SNX8: variants seen among roughly 807,000 people sequenced by gnomAD.
SNX8 encodes the protein sorting nexin 8.
A neutral mutation model predicts 51.6 loss-of-function variants in SNX8; 25 were observed. That is an observed-to-expected ratio of 0.48 (90% CI 0.35 to 0.68). SNX8 has a LOEUF of 0.68. Ranked by LOEUF, SNX8 falls within the 30% of genes least tolerant of loss-of-function variation. The pLI is 0.00. For missense variants in SNX8, 695 were observed against 624.0 expected, an observed-to-expected ratio of 1.11 and a Z score of -1.21; for synonymous variants, 324 against 277.0, an observed-to-expected ratio of 1.17 and a Z score of -1.68.
At chr7:2,262,855 C>T (rs542274921) in intron 7 of SNX8, among the ~76,000 whole-genome samples, 2 of 152,354 alleles carry the variant, frequency 1.3e-5, no homozygotes, top group Admixed American at 6.5e-5. Context: ...CAGTGGCTCA[C>T]GCCTGTAATC....
At chr7:2,302,995 C>A (rs1161786638) in intron 1 of SNX8, among the ~76,000 whole-genome samples, 1 of 151,894 alleles carries the variant, frequency 6.6e-6, no homozygotes, top group Non-Finnish European at 1.5e-5. Flanking sequence ...GCAGCCACCC[C>A]GTCCGGGACA....
chr7:2,332,159 A>T (rs1487421693), intron 1 of SNX8, among the ~76,000 whole-genome samples: 3 of 151,672 alleles, frequency 2.0e-5, no homozygotes, highest in Non-Finnish European at 4.4e-5. Flanking sequence ...GTGAACCAAG[A>T]TCACACCACT....
At chr7:2,333,468 AG>A (rs1316108053) in intron 1 of SNX8, among the ~76,000 whole-genome samples, 2 of 150,514 alleles carry the variant, frequency 1.3e-5, no homozygotes, top group Non-Finnish European at 3.0e-5. Context: ...AGGCTGAGGC[AG>A]GAGGATTGCT....
chr7:2,265,129 C>T (rs1340764185), intron 5 of SNX8, among the ~76,000 whole-genome samples: 1 of 152,068 alleles, frequency 6.6e-6, no homozygotes, highest in East Asian at 1.9e-4. Context: ...CCGAGTAGGG[C>T]GAATCACGAG....
chr7:2,287,279 A>G (rs1796053711), intron 1 of SNX8, among the ~76,000 whole-genome samples: 1 of 148,902 alleles, frequency 6.7e-6, no homozygotes, highest in Admixed American at 6.7e-5. Context: ...TGATGAAAAA[A>G]ATATTAAAAG....
intron 1 of SNX8, among the ~76,000 whole-genome samples, chr7:2,303,298 C>G (rs1444642215): frequency 2.0e-5 from 3 of 149,742 alleles, no homozygotes; most frequent in Admixed American, 6.6e-5. Context: ...GTCAGCCCCC[C>G]GCCCGGCCAG....
chr7:2,284,230 T>C (rs1190199466), intron 1 of SNX8, among the ~76,000 whole-genome samples: 1 of 151,902 alleles, frequency 6.6e-6, no homozygotes, highest in Admixed American at 6.6e-5. Flanking sequence ...ACACCCAGCC[T>C]GGAATCTGCA....
At chr7:2,322,461 A>T (rs1778542006) in intron 1 of SNX8, among the ~76,000 whole-genome samples, 1 of 151,140 alleles carries the variant, frequency 6.6e-6, no homozygotes. Context: ...TTGGGAGGCC[A>T]AGGCGGGTGG....
At chr7:2,336,451 G>A (rs531452119) in intron 1 of SNX8, among the ~76,000 whole-genome samples, 11 of 152,090 alleles carry the variant, frequency 7.2e-5, no homozygotes, top group Non-Finnish European at 1.5e-4. Context: ...GCTCACACCT[G>A]TAATCCTAGC....
At chr7:2,256,221 T>C (rs909366395) in intron 10 of SNX8, among the ~76,000 whole-genome samples, 3 of 152,198 alleles carry the variant, frequency 2.0e-5, no homozygotes, top group African/African-American at 7.2e-5. Context: ...CCCAAAGTGC[T>C]GGACGGCACC....
rs1795071707 is a variant in SNX8, at chr7:2,252,747, CCCT to C, written c.*2306_*2308del. 1 of 139,814 alleles carries C rather than the reference CCCT, an allele frequency of 7.2e-6. No individual in the cohort carries two copies. The allele number at this position is 139,814 out of a possible 1,614,324, so 8.7% of individuals were successfully genotyped here. ...CCCTGCCCTCTTGCTCTCTCCTCAC[CCCT>C]GCCCTCCTGCTCCCCCTCACCCCTG... On this transcript the variant is annotated 3_prime_UTR_variant, in exon 11 of 11. Coordinates refer to ENST00000222990, the MANE Select transcript of SNX8 (RefSeq NM_013321.4).
chr7:2,288,480 TAC>T (rs1796083058), intron 1 of SNX8: 1 of 166,360 alleles, frequency 6.0e-6, no homozygotes, highest in Non-Finnish European at 1.5e-5. Flanking sequence ...ACACACACAT[TAC>T]AGACACACGT....
intron 1 of SNX8, among the ~76,000 whole-genome samples, chr7:2,301,802 G>C (rs927064524): frequency 6.6e-6 from 1 of 152,094 alleles, no homozygotes; most frequent in Non-Finnish European, 1.5e-5. Flanking sequence ...CTCCAGCGTC[G>C]AGTTCTGTCT....
upstream of SNX8, among the ~76,000 whole-genome samples, chr7:2,318,197 A>C (rs2115221357): frequency 6.6e-6 from 1 of 152,252 alleles, no homozygotes; most frequent in South Asian, 2.1e-4. Flanking sequence ...GGCACAGGCC[A>C]CCATGCCCAG....
At chr7:2,343,033 G>A (rs1778962022) in intron 1 of SNX8, among the ~76,000 whole-genome samples, 1 of 151,748 alleles carries the variant, frequency 6.6e-6, no homozygotes, top group Non-Finnish European at 1.5e-5. Context: ...GACCTTAGGT[G>A]ATCCACCTGC....
At chr7:2,352,704 C>T (rs948353251) in intron 1 of SNX8, among the ~76,000 whole-genome samples, 1 of 152,082 alleles carries the variant, frequency 6.6e-6, no homozygotes, top group African/African-American at 2.4e-5. Flanking sequence ...GGCGTGGTGG[C>T]GGGCACCTGT....
chr7:2,332,005 G>A (rs1778745832), intron 1 of SNX8, among the ~76,000 whole-genome samples: 1 of 151,954 alleles, frequency 6.6e-6, no homozygotes, highest in Admixed American at 6.6e-5. Flanking sequence ...AGGAGTTCGA[G>A]ACCAGTGTAG....
intron 1 of SNX8, among the ~76,000 whole-genome samples, chr7:2,296,972 C>T (rs992346942): frequency 1.3e-5 from 2 of 151,768 alleles, no homozygotes; most frequent in East Asian, 3.9e-4. Flanking sequence ...AAAATATATG[C>T]AAAATGCTCA....
intron 4 of SNX8, among the ~76,000 whole-genome samples, chr7:2,270,607 G>C (rs1224951586): frequency 6.6e-6 from 1 of 151,568 alleles, no homozygotes; most frequent in Non-Finnish European, 1.5e-5. Flanking sequence ...CCCCTCCCAG[G>C]TCCTGCCACA....
Sources: gnomAD v4.1 joint callset for allele counts (sites outside exome capture counted in the v4.1 genomes callset) on GRCh38, gnomAD v4.1.1 for gene constraint, MANE v1.5 for transcripts, NCBI Gene and HGNC (gene_info 2026-07-23, HGNC 2026-07-21) for gene names.